The following OTOP1 variants were observed in gnomAD, a reference collection of about 807,000 sequenced individuals.
OTOP1 encodes the protein otopetrin 1.
A neutral mutation model predicts 52.9 loss-of-function variants in OTOP1; 59 were observed. The observed-to-expected ratio is 1.12, with a 90% CI of 0.91 to 1.39. The LOEUF (loss-of-function observed/expected upper bound fraction) is 1.39, where lower values mean the gene tolerates loss of function less well. OTOP1 is among the 40% of genes most tolerant of loss of function. The pLI, the probability that OTOP1 is intolerant of heterozygous loss-of-function variation, is 0.00. For synonymous variants in OTOP1, 317 were observed against 337.7 expected (o/e 0.94, Z 0.67); for missense variants, 761 against 800.9 (o/e 0.95, Z 0.60).
Position 4,212,892 on chromosome 4 carries a change from G to T in OTOP1, c.516C>A (p.Thr172=), listed in dbSNP as rs1430671335. The T allele has an allele frequency of 6.2e-7, 1 of 1,613,854 alleles. No homozygotes were observed. The highest frequency in any genetic ancestry group is 8.5e-7 in the Non-Finnish European group (1 of 1,179,948). ...LSATEGVFPV[T]HSVHTLLQVY... is the part of the protein sequence containing the mutation. The stretch of plus-strand genomic sequence containing the variant: ...CCTGCAACAAAGTATGCACTGAATG[G>T]GTGACTGGGAAAACTCCTTCAGTGG... The change falls in exon 2 of 6, where the codon ACC becomes ACA. Residue 172 remains threonine (T), a synonymous_variant. Transcript: ENST00000296358.
At chr4:4,196,794 T>C (rs931859618) in intron 5 of OTOP1, among the ~76,000 whole-genome samples, 1 of 152,216 alleles carries the variant, frequency 6.6e-6, no homozygotes, top group Non-Finnish European at 1.5e-5. Flanking sequence ...TAAAAAAGAA[T>C]GAAATCACAC....
At chr4:4,209,311 A>G (rs1009358958) in intron 2 of OTOP1, among the ~76,000 whole-genome samples, 1 of 152,050 alleles carries the variant, frequency 6.6e-6, no homozygotes, top group African/African-American at 2.4e-5. Context: ...AACAGTGCCT[A>G]ATTGTTATAT....
chr4:4,194,081 C>T (rs62286861), intron 5 of OTOP1, among the ~76,000 whole-genome samples: 23,222 of 151,952 alleles, frequency 0.15, 2,311 homozygotes, highest in Non-Finnish European at 0.23. Context: ...CCCACCTCCT[C>T]GGGATGCTGA....
chr4:4,191,613 CCCTCCTTGTCTCA>C (rs1277393236), intron 5 of OTOP1, among the ~76,000 whole-genome samples: 1 of 152,186 alleles, frequency 6.6e-6, no homozygotes, highest in Non-Finnish European at 1.5e-5. Context: ...CGTGGCCAGC[CCCTCCTTGTCTCA>C]CCTCACCCTT....
At chr4:4,202,762 C>A (rs1453527295) in intron 3 of OTOP1, among the ~76,000 whole-genome samples, 184 bp from the exon 4 acceptor site, 1 of 152,232 alleles carries the variant, frequency 6.6e-6, no homozygotes, top group Admixed American at 6.5e-5. Flanking sequence ...TAGAACCTTC[C>A]AAAACCACAG....
At chr4:4,192,147 G>C (rs867528168) in intron 5 of OTOP1, among the ~76,000 whole-genome samples, 2 of 152,312 alleles carry the variant, frequency 1.3e-5, no homozygotes, top group South Asian at 4.1e-4. Context: ...CCAGGCCTTA[G>C]GAGACAGGCA....
chr4:4,188,737 T>A lies in OTOP1; in HGVS notation c.*66A>T, dbSNP rs1716413202. ...TTTGTCAGGCAATATTTGCCCAACC[T>A]GGCCACTCCTAGTTGGCTCCAATGA... On this transcript the variant is annotated 3_prime_UTR_variant, in exon 6 of 6. Transcript: ENST00000296358. 2 of 1,422,230 alleles carry A rather than the reference T, an allele frequency of 1.4e-6. No individual in the cohort carries two copies. Among genetic ancestry groups the A allele is most frequent in the African/African-American group, 2.9e-5 (2 of 68,832 alleles). The allele number at this position is 1,422,230 out of a possible 1,614,324, so 88.1% of individuals were successfully genotyped here. A position where few individuals can be genotyped will look rare whatever the true frequency, so the allele number is the denominator to read the frequency against.
At chr4:4,214,997 C>A (rs1270356078) in intron 1 of OTOP1, among the ~76,000 whole-genome samples, 2 of 152,152 alleles carry the variant, frequency 1.3e-5, no homozygotes, top group Non-Finnish European at 2.9e-5. Flanking sequence ...AAAATAAATT[C>A]TAGCCCAGGC....
intron 2 of OTOP1, among the ~76,000 whole-genome samples, chr4:4,210,488 T>C (rs1717002742): frequency 6.6e-6 from 1 of 152,188 alleles, no homozygotes; most frequent in Non-Finnish European, 1.5e-5. Context: ...CCAGTGTCTT[T>C]ACATGGCTGT....
chr4:4,206,008 G>A, intron 3 of OTOP1, 64 bp downstream of exon 3: 7 of 1,370,734 alleles, frequency 5.1e-6, no homozygotes, highest in South Asian at 3.6e-5. Context: ...TGGCAGTGAT[G>A]AGTTTTGAAA....
Position 4,226,480 on chromosome 4 carries a change from C to G in OTOP1, c.385G>C (p.Gly129Arg). 2 of 1,526,608 alleles carry G rather than the reference C, an allele frequency of 1.3e-6. No individual in the cohort carries two copies. The highest frequency in any genetic ancestry group is 2.8e-5 in the African/African-American group (2 of 70,462). The allele number at this position is 1,526,608 out of a possible 1,614,324, so 94.6% of individuals were successfully genotyped here. Residue 129 changes from glycine to arginine, a missense_variant, in exon 1 of 6, where the codon GGT becomes CGT. By Grantham distance (125) the Gly-to-Arg change is moderately radical. Around this residue, in one of 3 missense-constraint regions of OTOP1, gnomAD observed 632 missense variants for 619.5 expected, o/e 1.02. Transcript: ENST00000296358. The stretch of plus-strand genomic sequence containing the variant: ...GACTCACCGCGCAGCCAGCCGGCAC[C>G]CGCGTGCGTGTCCTTGAGGCGGAAG... ...RLFRLKDTHA[G>R]AGWLRGSITL...
At chr4:4,198,250 G>T (rs752105480) in intron 4 of OTOP1, 147 bp from the exon 5 acceptor site, 5 of 663,572 alleles carry the variant, frequency 7.5e-6, no homozygotes, top group Non-Finnish European at 1.3e-5. Flanking sequence ...TTATTATCAC[G>T]TTTAATATCA....
At chr4:4,202,722 C>T (rs1163932524) in intron 3 of OTOP1, 144 bp from the exon 4 acceptor site, 3 of 1,038,724 alleles carry the variant, frequency 2.9e-6, no homozygotes, top group South Asian at 3.1e-5. Context: ...TCTGGGTGGG[C>T]CCCCTGCCTG....
At chr4:4,205,499 A>C (rs1377721617) in intron 3 of OTOP1, among the ~76,000 whole-genome samples, 1 of 152,218 alleles carries the variant, frequency 6.6e-6, no homozygotes, top group Non-Finnish European at 1.5e-5. Context: ...TTACCAGCTC[A>C]GAAAGGAGGC....
intron 3 of OTOP1, among the ~76,000 whole-genome samples, chr4:4,205,226 G>A (rs2916422): frequency 0.43 from 64,881 of 152,012 alleles, 14,291 homozygotes; most frequent in African/African-American, 0.52. Context: ...CCTGTTACAC[G>A]GTGCTTTACA....
intron 1 of OTOP1, among the ~76,000 whole-genome samples, chr4:4,216,842 C>A (rs1404484247): frequency 6.6e-6 from 1 of 152,232 alleles, no homozygotes; most frequent in African/African-American, 2.4e-5. Flanking sequence ...CCTCAGGATT[C>A]CCATACAGAA....
chr4:4,214,071 C>T (rs1199575560), intron 1 of OTOP1, among the ~76,000 whole-genome samples: 1 of 152,088 alleles, frequency 6.6e-6, no homozygotes, highest in Non-Finnish European at 1.5e-5. Context: ...GCCTGGGCAA[C>T]AAGAGTGAAA....
At chr4:4,202,403 C>A (rs1269334221) in intron 4 of OTOP1, 45 bp downstream of exon 4, 1 of 1,609,478 alleles carries the variant, frequency 6.2e-7, no homozygotes, top group African/African-American at 1.3e-5. Context: ...GTTTCCAAGA[C>A]ATTCCAACAT....
intron 1 of OTOP1, among the ~76,000 whole-genome samples, chr4:4,220,105 A>ATTTTT (rs1183792130): frequency 1.7e-5 from 1 of 59,396 alleles, no homozygotes; most frequent in Admixed American, 2.0e-4. Context: ...ATATATATAT[A>ATTTTT]TTTTTTTTTT....
Sources: allele counts gnomAD v4.1 joint callset (sites outside exome capture counted in the v4.1 genomes callset), GRCh38; gene constraint gnomAD v4.1.1; regional missense constraint gnomAD v4.1.1; transcripts MANE v1.5; gene names NCBI Gene and HGNC (gene_info 2026-07-23, HGNC 2026-07-21).